The following MAGED1 variants were observed in gnomAD, a reference collection of about 807,000 sequenced individuals.
MAGED1 encodes MAGE family member D1.
A neutral mutation model predicts 54.1 loss-of-function variants in MAGED1; 3 were observed. That is an observed-to-expected ratio of 0.06 (90% CI 0.03 to 0.14). The LOEUF (loss-of-function observed/expected upper bound fraction) is 0.14, where lower values mean the gene tolerates loss of function less well. Among genes scored for constraint, MAGED1 ranks in the 10% least tolerant of loss-of-function variants. The pLI is 1.00. For missense variants in MAGED1, 485 were observed against 623.4 expected, an observed-to-expected ratio of 0.78 and a Z score of 2.36; for synonymous variants, 217 against 227.3, an observed-to-expected ratio of 0.95 and a Z score of 0.41.
chrX:51,888,972 G>A (rs1557363067), upstream of MAGED1, among the ~76,000 whole-genome samples: 2 of 111,758 alleles, frequency 1.8e-5, no homozygotes. Context: ...GGATGGGGGC[G>A]GTGGAGGAGG....
chrX:51,886,082 T>C (rs1307624375), intron 1 of MAGED1, among the ~76,000 whole-genome samples: 1 of 85,903 alleles, frequency 1.2e-5, no homozygotes, highest in Non-Finnish European at 2.1e-5. Context: ...AAATTTGATT[T>C]CATGGAAGTA....
At chrX:51,813,673 CCTT>C (rs1353716897) in intron 1 of MAGED1, among the ~76,000 whole-genome samples, 1 of 111,781 alleles carries the variant, frequency 8.9e-6, no homozygotes, top group Non-Finnish European at 1.9e-5. Context: ...TGGGGTCCCT[CCTT>C]CTTCTGCAGG....
chrX:51,897,469 C>A (rs1569556053), intron 5 of MAGED1, 78 bp from the exon 6 acceptor site: 3 of 880,188 alleles, frequency 3.4e-6, no homozygotes, highest in African/African-American at 4.0e-5. Flanking sequence ...GACTGTGCTA[C>A]CCCCAGCAGG....
Position 51,896,942 on chromosome X carries a change from C to T in MAGED1, c.1287C>T (p.Ile429=), listed in dbSNP as rs1367969106. 8.3e-6 allele frequency: 10 copies of T among 1,208,103 alleles called. No individual in the cohort carries two copies. Among genetic ancestry groups the T allele is most frequent in the Non-Finnish European group, 1.0e-5 (9 of 894,347 alleles). The part of the protein sequence containing the change: ...PTDWPLPPDW[I]PADWPIPPDW... ...ACTGGCCACTACCACCTGACTGGAT[C>T]CCCGCTGATTGGCCAATTCCACCTG... Residue 429 remains isoleucine (I), a synonymous_variant, in exon 4 of 13, where the codon ATC becomes ATT. Transcript: ENST00000326587.
rs1569556049 is a variant in MAGED1, at chrX:51,897,084, G to A, written c.1422+7G>A. On this transcript the variant is annotated splice_region_variant and intron_variant, in intron 4 of 12. Coordinates refer to ENST00000326587, the MANE Select transcript of MAGED1 (RefSeq NM_006986.4). ...GGCCCTTCTTCAGGAAAGAGTAAGAGCTGTAACTCCCCAGTCACTTTTCCC... is the reference window on the plus strand; with the variant it reads ...GGCCCTTCTTCAGGAAAGAGTAAGAACTGTAACTCCCCAGTCACTTTTCCC... 3 of 1,207,888 alleles carry A rather than the reference G, an allele frequency of 2.5e-6. No homozygotes were observed. The highest frequency in any genetic ancestry group is 3.4e-6 in the Non-Finnish European group (3 of 893,013).
chrX:51,820,768 A>C (rs1482493690), intron 1 of MAGED1, among the ~76,000 whole-genome samples: 1 of 111,928 alleles, frequency 8.9e-6, no homozygotes, highest in Non-Finnish European at 1.9e-5. Context: ...AGAACACTCA[A>C]AATCCTTCAA....
intron 1 of MAGED1, among the ~76,000 whole-genome samples, chrX:51,835,458 A>G (rs1300345663): frequency 9.0e-6 from 1 of 111,213 alleles, no homozygotes. Flanking sequence ...GTGTCATCGT[A>G]AAGTTGAAAG....
chrX:51,891,017 C>T (rs141853851), upstream of MAGED1, among the ~76,000 whole-genome samples: 2,790 of 111,893 alleles, frequency 0.025, 48 homozygotes, highest in Admixed American at 0.085. Context: ...AAATGGATTC[C>T]ATCCATGGGG....
intron 1 of MAGED1, among the ~76,000 whole-genome samples, chrX:51,870,016 G>A (rs1364828783): frequency 1.8e-5 from 2 of 111,093 alleles, no homozygotes; most frequent in Non-Finnish European, 3.8e-5. Context: ...GACTAGGAGG[G>A]TGAGCCACCG....
intron 1 of MAGED1, among the ~76,000 whole-genome samples, chrX:51,851,255 T>A (rs1926881706): frequency 8.9e-6 from 1 of 111,936 alleles, no homozygotes; most frequent in Admixed American, 9.5e-5. Flanking sequence ...GTAATTATTA[T>A]AGAGTAAATC....
At chrX:51,894,591 C>T in intron 2 of MAGED1, 2 of 1,143,698 alleles carry the variant, frequency 1.7e-6, no homozygotes, top group East Asian at 3.1e-5. Context: ...CCAGAGAATG[C>T]GGGGTGGGTA....
chrX:51,840,951 G>C (rs1385216133), intron 1 of MAGED1, among the ~76,000 whole-genome samples: 1 of 110,858 alleles, frequency 9.0e-6, no homozygotes, highest in Non-Finnish European at 1.9e-5. Flanking sequence ...TATATACCCA[G>C]TAATGGGATG....
chrX:51,896,104 A>G (rs187111798), intron 3 of MAGED1: 59 of 374,734 alleles, frequency 1.6e-4, no homozygotes, highest in African/African-American at 1.2e-3. Context: ...TTTTACAAAG[A>G]AGGAAATTAA....
chrX:51,829,637 G>A (rs903907081), intron 1 of MAGED1, among the ~76,000 whole-genome samples: 4 of 110,732 alleles, frequency 3.6e-5, no homozygotes, highest in Admixed American at 9.7e-5. Context: ...CATCCAATCC[G>A]AAAAATGGGC....
chrX:51,878,041 C>A (rs782384670), intron 1 of MAGED1, among the ~76,000 whole-genome samples: 120 of 111,518 alleles, frequency 1.1e-3, no homozygotes, highest in Non-Finnish European at 1.8e-3. Context: ...TCCCAGGTGT[C>A]TGAGAGCATT....
chrX:51,812,834 CT>C (rs1469051388), intron 1 of MAGED1, among the ~76,000 whole-genome samples: 1 of 110,280 alleles, frequency 9.1e-6, no homozygotes, highest in Non-Finnish European at 1.9e-5. Context: ...AACTGCCAAA[CT>C]CTTTTCCAAA....
At chrX:51,829,915 T>C (rs1485724822) in intron 1 of MAGED1, among the ~76,000 whole-genome samples, 2 of 111,921 alleles carry the variant, frequency 1.8e-5, no homozygotes, top group East Asian at 5.6e-4. Context: ...AAGGATCTAG[T>C]AAAATTGTAG....
intron 5 of MAGED1, 37 bp from the exon 6 acceptor site, chrX:51,897,510 C>T (rs1928815683): frequency 9.1e-7 from 1 of 1,095,336 alleles, no homozygotes; most frequent in South Asian, 1.8e-5. Flanking sequence ...TCTGTGGCCC[C>T]CGCTCGGCTC....
intron 1 of MAGED1, among the ~76,000 whole-genome samples, chrX:51,881,160 C>T (rs782264494): frequency 3.6e-5 from 4 of 111,060 alleles, no homozygotes; most frequent in South Asian, 3.9e-4. Context: ...GAGAGCAGAC[C>T]GAGGAAGCAA....
Sources: allele counts gnomAD v4.1 joint callset (sites outside exome capture counted in the v4.1 genomes callset), GRCh38; gene constraint gnomAD v4.1.1; transcripts MANE v1.5; gene names NCBI Gene and HGNC (gene_info 2026-07-23, HGNC 2026-07-21).